The following TBC1D16 variants were observed in gnomAD, a reference collection of about 807,000 sequenced individuals.
TBC1D16 encodes the protein TBC1 domain family member 16, also known as CTD-2529O21.1.
TBC1D16 carries 58 observed loss-of-function variants against 74.7 expected under a neutral mutation model. The observed-to-expected ratio is 0.78, with a 90% CI of 0.63 to 0.97. The LOEUF is 0.97. Ranked by LOEUF, TBC1D16 falls within the 50% of genes least tolerant of loss-of-function variation. The pLI is 0.00. For synonymous variants in TBC1D16, 493 were observed against 474.7 expected (o/e 1.04, Z -0.50); for missense variants, 1,014 against 1,079.5 (o/e 0.94, Z 0.85).
chr17:79,958,895 T>A (rs1475806065), intron 3 of TBC1D16, among the ~76,000 whole-genome samples: 2 of 152,174 alleles, frequency 1.3e-5, no homozygotes, highest in African/African-American at 4.8e-5. Context: ...GGCCCTGGCC[T>A]CTGCATCAGG....
At chr17:79,965,793 CTG>C (rs1393942054) in intron 3 of TBC1D16, among the ~76,000 whole-genome samples, 1 of 152,258 alleles carries the variant, frequency 6.6e-6, no homozygotes, top group Non-Finnish European at 1.5e-5. Flanking sequence ...GCCTCTGAAA[CTG>C]TGTCCACTTC....
intron 3 of TBC1D16, among the ~76,000 whole-genome samples, chr17:79,977,942 C>T (rs1385923206): frequency 2.6e-5 from 4 of 152,222 alleles, no homozygotes; most frequent in Non-Finnish European, 5.9e-5. Flanking sequence ...GGGTGGGACC[C>T]CTAAGCTTTT....
chr17:79,996,112 G>A (rs1198498923), intron 3 of TBC1D16, among the ~76,000 whole-genome samples: 1 of 152,086 alleles, frequency 6.6e-6, no homozygotes, highest in Non-Finnish European at 1.5e-5. Flanking sequence ...GCAGTGAATC[G>A]TTTGTATACA....
At position 79,941,193 on chromosome 17, in the gene TBC1D16, C is replaced by G; in HGVS notation, c.2056-86G>C. The G allele has an allele frequency of 7.4e-7, 1 of 1,351,562 alleles. No homozygotes were observed. The highest frequency in any genetic ancestry group is 1.4e-5 in the South Asian group (1 of 69,108). The allele number at this position is 1,351,562 out of a possible 1,614,324, so 83.7% of individuals were successfully genotyped here. ...CCATGGGAGTGGCCAAAGACAGCAA[C>G]AGCAGCAACAACGGCCTGCACCTCG... On this transcript the variant is annotated intron_variant, in intron 11 of 11. Transcript: ENST00000310924. The surrounding 1 kb of genome is among the most constrained non-coding windows in gnomAD (Gnocchi z 4.3).
chr17:79,942,264 CAG>C (rs2032085530), intron 10 of TBC1D16, 58 bp from the exon 11 acceptor site: 9 of 1,521,904 alleles, frequency 5.9e-6, no homozygotes, highest in African/African-American at 2.8e-5. Context: ...GCCCTGCACT[CAG>C]GGGGAAACTG....
In TBC1D16 at chr17:80,009,983, G is replaced by A. The variant is rs1263071472; in HGVS notation, c.779+177C>T. Among the ~76,000 whole-genome samples the A allele has an allele frequency of 6.6e-6, 1 of 152,178 alleles. No individual in the cohort carries two copies. Among genetic ancestry groups the A allele is most frequent in the Non-Finnish European group, 1.5e-5 (1 of 68,016 alleles). ...GTGGGGTGTAAAGTGGGGACTCCCT[G>A]CTGAAGCCCTTGCCTCAGGGAGGGG... On this transcript the variant is annotated intron_variant, in intron 3 of 11. Coordinates refer to ENST00000310924, the MANE Select transcript of TBC1D16 (RefSeq NM_019020.4). This position sits in a 1 kb window ranked among gnomAD's most constrained non-coding sequence, Gnocchi z 5.4.
rs913314425 is a variant in TBC1D16 at position 80,000,040 on chromosome 17, G to A, written c.779+10120C>T. 2.6e-5 allele frequency among the ~76,000 whole-genome samples: 4 copies of A among 152,100 alleles called. No individual in the cohort carries two copies. Among genetic ancestry groups the A allele is most frequent in the African/African-American group, 9.7e-5 (4 of 41,416 alleles). On this transcript the variant is annotated intron_variant, in intron 3 of 11. Coordinates refer to ENST00000310924, the MANE Select transcript of TBC1D16 (RefSeq NM_019020.4). The surrounding 1 kb of genome is among the most constrained non-coding windows in gnomAD (Gnocchi z 4.1). ...CAAGGAGTTTCTCAGGGCCCTGATT[G>A]TGTTTGGTTTTTTGCTTTTTGTTTT... is the stretch of plus-strand genomic sequence containing the variant.
chr17:80,019,861 C>T (rs890242743), intron 1 of TBC1D16, among the ~76,000 whole-genome samples: 2 of 149,608 alleles, frequency 1.3e-5, no homozygotes, highest in African/African-American at 5.1e-5. Flanking sequence ...TATATTTTCC[C>T]AGGTGAAGTA....
At chr17:79,955,762 A>C (rs2033305548) in intron 3 of TBC1D16, among the ~76,000 whole-genome samples, 1 of 152,240 alleles carries the variant, frequency 6.6e-6, no homozygotes, top group Admixed American at 6.5e-5. Flanking sequence ...CCCAAATGTA[A>C]AAGCAGTAAT....
Position 79,942,048 on chromosome 17 carries a change from G to A in TBC1D16, c.2055+12C>T, listed in dbSNP as rs757814766. 2.5e-6 allele frequency: 4 copies of A among 1,605,582 alleles called. No homozygotes were observed. Among genetic ancestry groups the A allele is most frequent in the East Asian group, 2.2e-5 (1 of 44,694 alleles). ...CGGGGCGGGGTGGGGCCCACATCTG[G>A]GGCAGCCTCACCTTCCGGAGAACGA... On this transcript the variant is annotated intron_variant, in intron 11 of 11. Transcript: ENST00000310924.
intron 3 of TBC1D16, among the ~76,000 whole-genome samples, chr17:79,965,680 G>A (rs1011839199): frequency 2.6e-5 from 4 of 152,184 alleles, no homozygotes; most frequent in Admixed American, 2.0e-4. Context: ...TGACCTATGG[G>A]AAGCTCACAT....
intron 3 of TBC1D16, among the ~76,000 whole-genome samples, chr17:79,977,109 C>G (rs1168155449): frequency 6.6e-6 from 1 of 152,218 alleles, no homozygotes; most frequent in Non-Finnish European, 1.5e-5. Flanking sequence ...AGTGATCCGT[C>G]CACCAGAATA....
chr17:79,965,779 G>A (rs1171360638), intron 3 of TBC1D16, among the ~76,000 whole-genome samples: 1 of 152,176 alleles, frequency 6.6e-6, no homozygotes, highest in African/African-American at 2.4e-5. Context: ...ATCTATGAAA[G>A]AATGCCTCTG....
intron 3 of TBC1D16, among the ~76,000 whole-genome samples, chr17:79,958,157 G>A (rs187812309): frequency 6.5e-4 from 98 of 151,558 alleles, no homozygotes; most frequent in African/African-American, 2.2e-3. Flanking sequence ...TGTGGTAAAG[G>A]ATTTGGGGAA....
In TBC1D16 at chr17:79,944,811, G is replaced by A; in HGVS notation, c.1908+97C>T. ...GGGGCTAATGTGTGGCTGTGGGTGGGGGGCGGCGAGGCGGACAGGGGCAGC... is the reference window on the plus strand; with the variant it reads ...GGGGCTAATGTGTGGCTGTGGGTGGAGGGCGGCGAGGCGGACAGGGGCAGC... On this transcript the variant is annotated intron_variant, in intron 10 of 11. Transcript: ENST00000310924. The surrounding 1 kb of genome is among the most constrained non-coding windows in gnomAD (Gnocchi z 7.7). 8.7e-7 allele frequency: 1 copy of A among 1,153,098 alleles called. No individual in the cohort carries two copies. The highest frequency in any genetic ancestry group is 1.2e-6 in the Non-Finnish European group (1 of 836,518). The allele number at this position is 1,153,098 out of a possible 1,614,324, so 71.4% of individuals were successfully genotyped here.
In TBC1D16 at chr17:80,035,299, G is replaced by A. The variant is rs919926281; in HGVS notation, c.-63+496C>T. On this transcript the variant is annotated intron_variant, in intron 1 of 11. Transcript: ENST00000310924. This position sits in a 1 kb window ranked among gnomAD's most constrained non-coding sequence, Gnocchi z 5.3. ...CAGGCGGAACGGAAGTGAGTATCCC[G>A]ACACGCGGATCTTAAACAGCCCAGA... Among the ~76,000 whole-genome samples the A allele has an allele frequency of 7.3e-5, 11 of 150,006 alleles. No homozygotes were observed. The highest frequency in any genetic ancestry group is 2.2e-4 in the African/African-American group (9 of 40,584).
Position 79,985,846 on chromosome 17 carries a change from A to T in TBC1D16, c.779+24314T>A, listed in dbSNP as rs943890347. On this transcript the variant is annotated intron_variant, in intron 3 of 11. Transcript: ENST00000310924. The surrounding 1 kb of genome is among the most constrained non-coding windows in gnomAD (Gnocchi z 4.9). ...CAGCCACAACTTCAATGCCCACAAC[A>T]AACTGCCAATCAAGGCTGTGGAGGT... is the stretch of plus-strand genomic sequence containing the variant. Among the ~76,000 whole-genome samples the T allele has an allele frequency of 1.3e-5, 2 of 152,132 alleles. No individual in the cohort carries two copies. The highest frequency in any genetic ancestry group is 4.8e-5 in the African/African-American group (2 of 41,440).
At position 80,024,877 on chromosome 17, in the gene TBC1D16, ACAT is replaced by A. The variant is rs1293728574; in HGVS notation, c.-63+10915_-63+10917del. On this transcript the variant is annotated intron_variant, in intron 1 of 11. Transcript: ENST00000310924. ...ACCACAGATACATACATCACACACCACATACCATAGGCACACTGCATAAACATC... is the reference window on the plus strand; with the variant it reads ...ACCACAGATACATACATCACACACCAACCATAGGCACACTGCATAAACATC... Among the ~76,000 whole-genome samples the A allele has an allele frequency of 1.4e-4, 19 of 138,070 alleles. 1 individual carries two copies. The East Asian group carries it at 4.2e-3, about 30-fold the overall frequency. The allele number at this position is 138,070 out of a possible 152,430, so 90.6% of individuals were successfully genotyped here.
chr17:79,958,966 TC>T (rs2033472213), intron 3 of TBC1D16, among the ~76,000 whole-genome samples: 1 of 152,248 alleles, frequency 6.6e-6, no homozygotes, highest in East Asian at 1.9e-4. Flanking sequence ...GCCCCTATTT[TC>T]AGTTGATACA....
Sources: allele counts gnomAD v4.1 joint callset (sites outside exome capture counted in the v4.1 genomes callset), GRCh38; gene constraint gnomAD v4.1.1; non-coding constraint Gnocchi (gnomAD v3.1); transcripts MANE v1.5; gene names NCBI Gene and HGNC (gene_info 2026-07-23, HGNC 2026-07-21).